KAZN: variants seen among roughly 807,000 people sequenced by gnomAD.
KAZN encodes kazrin.
A neutral mutation model predicts 87.4 loss-of-function variants in KAZN; 40 were observed. The ratio of observed to expected loss-of-function variants is 0.46; its 90% CI spans 0.36 to 0.60. The LOEUF (loss-of-function observed/expected upper bound fraction) is 0.60, where lower values mean the gene tolerates loss of function less well. Among genes scored for constraint, KAZN ranks in the 20% least tolerant of loss-of-function variants. The pLI, the probability that KAZN is intolerant of heterozygous loss-of-function variation, is 0.00. For synonymous variants in KAZN, 466 were observed against 458.3 expected, an observed-to-expected ratio of 1.02 and a Z score of -0.22; for missense variants, 898 against 1,073.9, an observed-to-expected ratio of 0.84 and a Z score of 2.29.
At chr1:14,733,954 C>T (rs1053511237) in intron 1 of KAZN, among the ~76,000 whole-genome samples, 50 of 152,206 alleles carry the variant, frequency 3.3e-4, no homozygotes, top group Non-Finnish European at 2.6e-4. Context: ...CATAGGGCTG[C>T]GCACAGCTCC....
chr1:14,767,322 A>C (rs1050534489), intron 1 of KAZN, among the ~76,000 whole-genome samples: 1 of 152,178 alleles, frequency 6.6e-6, no homozygotes, highest in African/African-American at 2.4e-5. Context: ...GAAGGCTGGG[A>C]GTGGGAGGGG....
In KAZN at chr1:14,794,918, G is replaced by C. The variant is rs529790568; in HGVS notation, c.227-165766G>C. On this transcript the variant is annotated intron_variant, in intron 1 of 14. Transcript: ENST00000376030. ...CAGGCAGAGGAACATGGAAGGACTA[G>C]ACTGGCTGAGTCTTCCAGCCTCCAT... is the stretch of plus-strand genomic sequence containing the variant. Among the ~76,000 whole-genome samples the C allele has an allele frequency of 1.6e-4, 24 of 152,318 alleles. No homozygotes were observed. The East Asian group carries it at 4.1e-3, about 26-fold the overall frequency.
intron 1 of KAZN, among the ~76,000 whole-genome samples, chr1:14,911,782 G>C (rs1338529768): frequency 6.6e-6 from 1 of 152,172 alleles, no homozygotes; most frequent in Non-Finnish European, 1.5e-5. Flanking sequence ...TGCTGGAGAT[G>C]ATAGGAGTAG....
chr1:14,837,380 G>A (rs890599334), intron 1 of KAZN, among the ~76,000 whole-genome samples: 2 of 151,978 alleles, frequency 1.3e-5, no homozygotes, highest in Admixed American at 1.3e-4. Context: ...TGTATTTTGA[G>A]TAGAGACGGG....
chr1:13,928,224 C>T (rs1011278639), intron 1 of KAZN, among the ~76,000 whole-genome samples: 3 of 152,166 alleles, frequency 2.0e-5, no homozygotes, highest in African/African-American at 7.2e-5. Context: ...AGTGCTTTCT[C>T]ATATAGTTAA....
chr1:13,999,179 C>T (rs1639663835), intron 1 of KAZN, among the ~76,000 whole-genome samples: 1 of 152,058 alleles, frequency 6.6e-6, no homozygotes, highest in Non-Finnish European at 1.5e-5. Flanking sequence ...GAAACTCCAT[C>T]TCTGCTAAAA....
chr1:14,588,742 C>T (rs576448039), intron 2 of KAZN, among the ~76,000 whole-genome samples: 4 of 152,196 alleles, frequency 2.6e-5, no homozygotes, highest in Non-Finnish European at 4.4e-5. Context: ...CTTTTCTTCC[C>T]CAAAGCTGCC....
intron 1 of KAZN, among the ~76,000 whole-genome samples, chr1:14,864,212 G>A (rs1447927920): frequency 6.6e-6 from 1 of 152,172 alleles, no homozygotes; most frequent in Non-Finnish European, 1.5e-5. Flanking sequence ...TTCAAGTGTG[G>A]TTACTACTGA....
At chr1:14,356,801 T>G (rs894235006) in intron 2 of KAZN, among the ~76,000 whole-genome samples, 1 of 152,110 alleles carries the variant, frequency 6.6e-6, no homozygotes, top group Non-Finnish European at 1.5e-5. Context: ...GTTTGGGTAC[T>G]GGTACCATGC....
At chr1:14,289,821 G>A (rs2100742377) in intron 2 of KAZN, among the ~76,000 whole-genome samples, 1 of 152,336 alleles carries the variant, frequency 6.6e-6, no homozygotes, top group East Asian at 1.9e-4. Context: ...GCTGGTACCA[G>A]TTGTTCCTTT....
intron 1 of KAZN, among the ~76,000 whole-genome samples, chr1:14,802,052 T>C (rs958219885): frequency 1.3e-5 from 2 of 152,222 alleles, no homozygotes; most frequent in African/African-American, 4.8e-5. Context: ...CATGCCCTGC[T>C]TTTTAGAATG....
At chr1:14,238,709 G>A (rs1436656572) in intron 2 of KAZN, among the ~76,000 whole-genome samples, 1 of 152,238 alleles carries the variant, frequency 6.6e-6, no homozygotes, top group Non-Finnish European at 1.5e-5. Flanking sequence ...AGCCCAATGA[G>A]CTGCTCCGGA....
In KAZN at chr1:14,427,675, T is replaced by A. The variant is rs368695567; in HGVS notation, c.250-171308T>A. Among the ~76,000 whole-genome samples the A allele has an allele frequency of 7.2e-5, 11 of 152,228 alleles. No individual in the cohort carries two copies. In the East Asian group the frequency reaches 1.9e-3, roughly 27 times the overall value. Reference sequence around the variant, plus strand: ...AATACCAAGTATAATCCATATAGAATATAGGGTCACTATGAAGTGACATTT... The same window carrying A: ...AATACCAAGTATAATCCATATAGAAAATAGGGTCACTATGAAGTGACATTT... On this transcript the variant is annotated intron_variant, in intron 2 of 16. Transcript: ENST00000636203.
chr1:14,481,793 G>A (rs907779951), intron 2 of KAZN, among the ~76,000 whole-genome samples: 40 of 152,206 alleles, frequency 2.6e-4, no homozygotes, highest in African/African-American at 9.4e-4. Flanking sequence ...AGCGTAAGAA[G>A]AGAGGATGCT....
chr1:14,755,375 T>C (rs1255857718), intron 1 of KAZN, among the ~76,000 whole-genome samples: 2 of 152,236 alleles, frequency 1.3e-5, no homozygotes, highest in African/African-American at 4.8e-5. Context: ...AGAGGATTTT[T>C]ATATGAGGTA....
At chr1:14,853,904 A>G (rs1649761785) in intron 1 of KAZN, among the ~76,000 whole-genome samples, 1 of 152,196 alleles carries the variant, frequency 6.6e-6, no homozygotes, top group African/African-American at 2.4e-5. Context: ...AGAAACGAAG[A>G]TCAGAGGAAG....
intron 1 of KAZN, among the ~76,000 whole-genome samples, chr1:14,854,696 A>G (rs1466293653): frequency 6.6e-6 from 1 of 152,088 alleles, no homozygotes; most frequent in Non-Finnish European, 1.5e-5. Context: ...ATGCACCTCC[A>G]TGACCCAAAC....
At chr1:14,883,355 A>AAAAGAAAGAAAG (rs1244741160) in intron 1 of KAZN, among the ~76,000 whole-genome samples, 2,127 of 20,610 alleles carry the variant, frequency 0.1, 429 homozygotes, top group African/African-American at 0.13. Context: ...AGAAAGAAAG[A>AAAAGAAAGAAAG]AAAGAAAGAA....
chr1:14,357,338 T>C (rs574576103), intron 2 of KAZN, among the ~76,000 whole-genome samples: 1 of 152,350 alleles, frequency 6.6e-6, no homozygotes, highest in East Asian at 1.9e-4. Context: ...ATGATAGTGT[T>C]TTCTAAATAC....
Sources: allele counts gnomAD v4.1 joint callset (sites outside exome capture counted in the v4.1 genomes callset), GRCh38; gene constraint gnomAD v4.1.1; transcripts MANE v1.5; gene names NCBI Gene and HGNC (gene_info 2026-07-23, HGNC 2026-07-21).